EPHA6: variants seen among roughly 807,000 people sequenced by gnomAD.
EPHA6 encodes the protein EPH receptor A6.
EPHA6 carries 50 observed loss-of-function variants against 112.0 expected under a neutral mutation model. The ratio of observed to expected loss-of-function variants is 0.45; its 90% confidence interval spans 0.36 to 0.56. The LOEUF (loss-of-function observed/expected upper bound fraction) is 0.56, where lower values mean the gene tolerates loss of function less well. Ranked by LOEUF, EPHA6 falls within the 20% of genes least tolerant of loss-of-function variation. EPHA6 has a pLI of 0.00. For synonymous variants in EPHA6, 529 were observed against 490.7 expected (o/e 1.08, Z -1.03); for missense variants, 1,280 against 1,417.4 (o/e 0.90, Z 1.56).
chr3:97,473,000 C>T (rs2107451718), intron 7 of EPHA6, among the ~76,000 whole-genome samples: 1 of 151,718 alleles, frequency 6.6e-6, no homozygotes, highest in South Asian at 2.1e-4. Context: ...CCTATCAAGA[C>T]CATTGTGAAG....
intron 2 of EPHA6, among the ~76,000 whole-genome samples, chr3:96,894,035 G>A (rs1259416251): frequency 1.3e-5 from 2 of 152,144 alleles, no homozygotes; most frequent in Non-Finnish European, 2.9e-5. Context: ...TGCCTGGAAG[G>A]ACTTTCATCC....
chr3:97,242,731 A>C (rs79936818), intron 4 of EPHA6, among the ~76,000 whole-genome samples: 3,611 of 151,924 alleles, frequency 0.024, 68 homozygotes, highest in South Asian at 0.04. Flanking sequence ...TATTTCTAGG[A>C]GCGAATGCTA....
intron 14 of EPHA6, among the ~76,000 whole-genome samples, chr3:97,652,058 C>T (rs1352445552): frequency 2.0e-5 from 3 of 152,000 alleles, no homozygotes; most frequent in Non-Finnish European, 2.9e-5. Flanking sequence ...TCAATGCATA[C>T]TCCATGTTTT....
chr3:97,510,226 C>A (rs1050110855), intron 10 of EPHA6, among the ~76,000 whole-genome samples: 6 of 152,156 alleles, frequency 3.9e-5, no homozygotes, highest in Non-Finnish European at 5.9e-5. Context: ...AGTTTTGTTC[C>A]CTTGCTTGTG....
At chr3:97,486,141 T>C (rs2091693424) in intron 10 of EPHA6, among the ~76,000 whole-genome samples, 1 of 152,354 alleles carries the variant, frequency 6.6e-6, no homozygotes, top group African/African-American at 2.4e-5. Flanking sequence ...CTGCTGTCCC[T>C]GAACTCTAAT....
At chr3:97,591,525 C>A (rs2093544166) in intron 11 of EPHA6, among the ~76,000 whole-genome samples, 1 of 152,082 alleles carries the variant, frequency 6.6e-6, no homozygotes, top group African/African-American at 2.4e-5. Context: ...GAAATACAGT[C>A]CTTACAATCA....
chr3:97,046,636 A>G (rs924956869), intron 3 of EPHA6, among the ~76,000 whole-genome samples: 4 of 152,164 alleles, frequency 2.6e-5, no homozygotes, highest in Non-Finnish European at 4.4e-5. Context: ...AGAATAAGCT[A>G]TCCAAATCAA....
At chr3:96,999,314 A>G (rs2043542444) in intron 3 of EPHA6, among the ~76,000 whole-genome samples, 1 of 151,960 alleles carries the variant, frequency 6.6e-6, no homozygotes, top group African/African-American at 2.4e-5. Context: ...AAATTTCCCA[A>G]AGAATTCAAG....
At chr3:96,942,300 A>C (rs2041006144) in intron 2 of EPHA6, among the ~76,000 whole-genome samples, 1 of 152,172 alleles carries the variant, frequency 6.6e-6, no homozygotes, top group Admixed American at 6.5e-5. Context: ...TTACCTAAGC[A>C]AGCCTTAGCA....
At chr3:97,513,816 C>G (rs1445468045) in intron 10 of EPHA6, among the ~76,000 whole-genome samples, 5 of 151,996 alleles carry the variant, frequency 3.3e-5, no homozygotes, top group Non-Finnish European at 5.9e-5. Context: ...AAACATCACA[C>G]TATGCCCCAT....
At chr3:96,929,813 G>T (rs1210505982) in intron 2 of EPHA6, among the ~76,000 whole-genome samples, 1 of 152,124 alleles carries the variant, frequency 6.6e-6, no homozygotes, top group Non-Finnish European at 1.5e-5. Context: ...ATATTCTGAA[G>T]TGTGTTTTCC....
At chr3:97,547,704 C>T (rs2092973317) in intron 11 of EPHA6, among the ~76,000 whole-genome samples, 1 of 152,358 alleles carries the variant, frequency 6.6e-6, no homozygotes, top group Middle Eastern at 3.4e-3. Context: ...CTGTGGTGGG[C>T]TCCACCCAGT....
At chr3:97,539,126 T>C (rs1001780663) in intron 11 of EPHA6, among the ~76,000 whole-genome samples, 11 of 145,318 alleles carry the variant, frequency 7.6e-5, no homozygotes, top group South Asian at 2.2e-4. Context: ...CTTTCTTTCT[T>C]TTTCTTTCTT....
intron 6 of EPHA6, among the ~76,000 whole-genome samples, chr3:97,415,851 A>G (rs1274181575): frequency 2.0e-5 from 3 of 152,102 alleles, no homozygotes; most frequent in Non-Finnish European, 4.4e-5. Context: ...GCATTCAGAA[A>G]CATTGGTTGA....
chr3:97,323,706 G>A (rs1008817462), intron 5 of EPHA6, among the ~76,000 whole-genome samples: 4 of 151,714 alleles, frequency 2.6e-5, no homozygotes, highest in Admixed American at 2.6e-4. Context: ...AAACGTAAAT[G>A]GTCTCTATTG....
At chr3:97,634,402 TAAACAGTAGATAGACCAA>T in intron 13 of EPHA6, among the ~76,000 whole-genome samples, 1 of 151,844 alleles carries the variant, frequency 6.6e-6, no homozygotes, top group Non-Finnish European at 1.5e-5. Flanking sequence ...CCACATTTTA[TAAACAGTAGATAGACCAA>T]TTGGATCGTG....
intron 6 of EPHA6, among the ~76,000 whole-genome samples, chr3:97,437,386 G>A (rs1320750801): frequency 2.0e-5 from 3 of 152,046 alleles, no homozygotes; most frequent in Non-Finnish European, 4.4e-5. Flanking sequence ...CTGCCATGTC[G>A]TTATAATGGT....
At chr3:96,843,972 C>G (rs1333214971) in intron 1 of EPHA6, among the ~76,000 whole-genome samples, 1 of 151,792 alleles carries the variant, frequency 6.6e-6, no homozygotes, top group Non-Finnish European at 1.5e-5. Flanking sequence ...CATATTGGTA[C>G]CATGCAGTTA....
chr3:97,692,774 T>A (rs958222691), intron 14 of EPHA6, among the ~76,000 whole-genome samples: 9 of 152,226 alleles, frequency 5.9e-5, no homozygotes, highest in Non-Finnish European at 1.2e-4. Context: ...GTGACCTCAA[T>A]TTTCTGCTCT....
Sources: allele counts gnomAD v4.1 joint callset (sites outside exome capture counted in the v4.1 genomes callset), GRCh38; gene constraint gnomAD v4.1.1; transcripts MANE v1.5; gene names NCBI Gene and HGNC (gene_info 2026-07-23, HGNC 2026-07-21).